Variants in CCDC38 observed in about 807,000 individuals in gnomAD.
The protein encoded by CCDC38 is coiled-coil domain-containing protein 38.
A neutral mutation model predicts 72.8 loss-of-function variants in CCDC38; 69 were observed. The observed-to-expected ratio is 0.95, with a 90% CI of 0.78 to 1.16. The LOEUF is 1.16. CCDC38 is among the 50% of genes most tolerant of loss of function. The pLI, the probability that CCDC38 is intolerant of heterozygous loss-of-function variation, is 0.00. For synonymous variants in CCDC38, 201 were observed against 213.2 expected, an observed-to-expected ratio of 0.94 and a Z score of 0.50; for missense variants, 626 against 638.9, an observed-to-expected ratio of 0.98 and a Z score of 0.22.
At chr12:95,886,052 A>C (rs879467255) in intron 10 of CCDC38, among the ~76,000 whole-genome samples, 1 of 135,910 alleles carries the variant, frequency 7.4e-6, no homozygotes, top group Non-Finnish European at 1.6e-5. Flanking sequence ...AAGCTTGCCT[A>C]TACTAAAAAC....
At chr12:95,906,570 A>G (rs1027748372) in intron 4 of CCDC38, 119 bp from the exon 5 acceptor site, 39 of 659,030 alleles carry the variant, frequency 5.9e-5, no homozygotes, top group Non-Finnish European at 8.4e-5. Flanking sequence ...TAAAAATACT[A>G]TATCTTGAAA....
At chr12:95,872,536 T>A in intron 13 of CCDC38, 76 bp from the exon 14 acceptor site, 2 of 917,322 alleles carry the variant, frequency 2.2e-6, no homozygotes, top group South Asian at 1.5e-5. Context: ...TATATTACAG[T>A]AAAATCCCAT....
At chr12:95,941,025 T>C (rs1013384052) in intron 1 of CCDC38, among the ~76,000 whole-genome samples, 3 of 152,214 alleles carry the variant, frequency 2.0e-5, no homozygotes, top group African/African-American at 7.2e-5. Context: ...AAATGTGTCA[T>C]CCTTATCCAT....
chr12:95,925,600 G>T (rs1460140427), intron 2 of CCDC38, among the ~76,000 whole-genome samples: 1 of 152,112 alleles, frequency 6.6e-6, no homozygotes, highest in African/African-American at 2.4e-5. Flanking sequence ...GGTGAGAGAG[G>T]GCATCCCTGT....
intron 4 of CCDC38, among the ~76,000 whole-genome samples, chr12:95,914,121 C>T (rs1351282106): frequency 2.0e-5 from 3 of 152,156 alleles, no homozygotes; most frequent in East Asian, 1.9e-4. Flanking sequence ...GACAGGAGTT[C>T]GAGACCACCC....
intron 8 of CCDC38, among the ~76,000 whole-genome samples, chr12:95,893,472 C>T (rs1270605373): frequency 2.0e-5 from 2 of 97,730 alleles, no homozygotes; most frequent in Non-Finnish European, 3.8e-5. Flanking sequence ...CTCTCTCTTT[C>T]TCTCTCTCTC....
intron 5 of CCDC38, 82 bp from the exon 6 acceptor site, chr12:95,898,813 C>T: frequency 7.6e-7 from 1 of 1,321,012 alleles, no homozygotes; most frequent in Non-Finnish European, 1.0e-6. Context: ...AGCAAGTGAA[C>T]ATTTGTATTA....
rs576485718 is a variant in CCDC38 at position 95,905,553 on chromosome 12, G to A, written c.369+834C>T. Among the ~76,000 whole-genome samples the A allele has an allele frequency of 5.3e-5, 8 of 152,254 alleles. No homozygotes were observed. In the South Asian group the frequency reaches 1.2e-3, roughly 24 times the overall value. The stretch of plus-strand genomic sequence containing the variant: ...TTTTATGTTGATTGCAGCTGGCAGC[G>A]TATGGAAGTACTAACTAACTAAATT... On this transcript the variant is annotated intron_variant, in intron 5 of 15. Transcript: ENST00000344280.
chr12:95,932,299 G>C (rs1247288209), intron 2 of CCDC38, among the ~76,000 whole-genome samples: 4 of 152,168 alleles, frequency 2.6e-5, no homozygotes, highest in Non-Finnish European at 5.9e-5. Context: ...ATTCTGAAGG[G>C]AGAACCAACA....
intron 4 of CCDC38, among the ~76,000 whole-genome samples, chr12:95,907,695 C>T (rs2080025512): frequency 6.8e-6 from 1 of 146,022 alleles, no homozygotes; most frequent in Non-Finnish European, 1.5e-5. Flanking sequence ...GGGGCGGCTG[C>T]TGGGCGGAGG....
chr12:95,936,288 C>T (rs1030344829), intron 2 of CCDC38, among the ~76,000 whole-genome samples, 185 bp downstream of exon 2: 1 of 151,776 alleles, frequency 6.6e-6, no homozygotes, highest in East Asian at 1.9e-4. Context: ...TTTAATGCAC[C>T]CTCTGATTTG....
chr12:95,917,640 A>T (rs1224274641), intron 3 of CCDC38, among the ~76,000 whole-genome samples: 1 of 152,178 alleles, frequency 6.6e-6, no homozygotes, highest in African/African-American at 2.4e-5. Context: ...TGGGAGTCCA[A>T]GGCGGGCAGA....
intron 2 of CCDC38, among the ~76,000 whole-genome samples, chr12:95,922,969 T>C (rs1264843583): frequency 2.6e-5 from 4 of 152,212 alleles, no homozygotes; most frequent in Non-Finnish European, 5.9e-5. Context: ...AGCATTTGAA[T>C]TGGTGGGCTC....
Position 95,936,341 on chromosome 12 carries a change from TG to T in CCDC38, c.37+131del, listed in dbSNP as rs370300939. 421 of 759,718 alleles carry T rather than the reference TG, an allele frequency of 5.5e-4. 4 individuals carry two copies. In the South Asian group the frequency reaches 0.011, roughly 19 times the overall value. The allele number at this position is 759,718 out of a possible 1,614,324, so 47.1% of individuals were successfully genotyped here. A position where few individuals can be genotyped will look rare whatever the true frequency, so the allele number is the denominator to read the frequency against. On this transcript the variant is annotated intron_variant, in intron 2 of 15. Coordinates refer to ENST00000344280, the MANE Select transcript of CCDC38 (RefSeq NM_182496.3). ...TTAAAAAGTAGAACAGAATCTTCTC[TG>T]CAGGTAGTTTATAAACTCATTACAT...
chr12:95,904,477 G>C (rs1470415574), intron 5 of CCDC38, among the ~76,000 whole-genome samples: 1 of 152,242 alleles, frequency 6.6e-6, no homozygotes, highest in South Asian at 2.1e-4. Flanking sequence ...TAAAAGGAAA[G>C]AATATGCATT....
intron 13 of CCDC38, among the ~76,000 whole-genome samples, chr12:95,874,681 A>G (rs1390069330): frequency 6.6e-6 from 1 of 152,178 alleles, no homozygotes; most frequent in Non-Finnish European, 1.5e-5. Flanking sequence ...TCGGAGGAGG[A>G]GCTGCCAAGG....
At chr12:95,906,293 A>G (rs1450339076) in intron 5 of CCDC38, 94 bp downstream of exon 5, 2 of 866,632 alleles carry the variant, frequency 2.3e-6, no homozygotes, top group African/African-American at 1.7e-5. Flanking sequence ...GATTTGGGAC[A>G]TGTAATAGAC....
chr12:95,881,843 G>A (rs940450165), intron 10 of CCDC38, among the ~76,000 whole-genome samples: 2 of 152,116 alleles, frequency 1.3e-5, no homozygotes, highest in Non-Finnish European at 2.9e-5. Flanking sequence ...TATAAAGTAA[G>A]GTAACTTTAT....
chr12:95,874,746 AG>A (rs1214046327), intron 13 of CCDC38, among the ~76,000 whole-genome samples: 3 of 152,206 alleles, frequency 2.0e-5, no homozygotes, highest in African/African-American at 7.2e-5. Context: ...AGAGAACTTC[AG>A]GTGCCTTTCA....
Sources: gnomAD v4.1 joint callset for allele counts (sites outside exome capture counted in the v4.1 genomes callset) on GRCh38, gnomAD v4.1.1 for gene constraint, MANE v1.5 for transcripts, NCBI Gene and HGNC (gene_info 2026-07-23, HGNC 2026-07-21) for gene names.